The following ITGA1 variants were observed in gnomAD, a reference collection of about 807,000 sequenced individuals.
ITGA1 encodes integrin alpha-1.
A neutral mutation model predicts 145.9 loss-of-function variants in ITGA1; 85 were observed. The ratio of observed to expected loss-of-function variants is 0.58; its 90% CI spans 0.49 to 0.70. The LOEUF is 0.70. Among genes scored for constraint, ITGA1 ranks in the 30% least tolerant of loss-of-function variants. ITGA1 has a pLI of 0.00. For synonymous variants in ITGA1, 520 were observed against 495.3 expected, an observed-to-expected ratio of 1.05 and a Z score of -0.66; for missense variants, 1,351 against 1,418.7, an observed-to-expected ratio of 0.95 and a Z score of 0.77.
chr5:52,802,178 C>G (rs1231597032), intron 1 of ITGA1: 1 of 185,452 alleles, frequency 5.4e-6, no homozygotes, highest in Non-Finnish European at 1.1e-5. Flanking sequence ...AAATTTCACA[C>G]TGCATGCTTT....
intron 26 of ITGA1, among the ~76,000 whole-genome samples, chr5:52,944,013 G>A (rs891916836): frequency 1.3e-5 from 2 of 152,198 alleles, no homozygotes; most frequent in Non-Finnish European, 2.9e-5. Flanking sequence ...CAGGGACTCT[G>A]GGAGGGTCTG....
chr5:52,807,108 T>C (rs1748599976), intron 1 of ITGA1, among the ~76,000 whole-genome samples: 1 of 152,190 alleles, frequency 6.6e-6, no homozygotes, highest in South Asian at 2.1e-4. Context: ...TTCTATAATG[T>C]CAGAGATTTA....
intron 1 of ITGA1, chr5:52,803,154 C>T (rs1748522205): frequency 1.3e-5 from 2 of 152,186 alleles, no homozygotes; most frequent in East Asian, 3.9e-4. Flanking sequence ...GGCCTTCCTC[C>T]TGGTGTGACA....
intron 1 of ITGA1, among the ~76,000 whole-genome samples, chr5:52,791,061 T>C (rs929274924): frequency 6.6e-6 from 1 of 152,214 alleles, no homozygotes; most frequent in Non-Finnish European, 1.5e-5. Context: ...ATAAACTTCC[T>C]ATTTGATTTA....
At chr5:52,799,029 C>T (rs1748400468) in intron 1 of ITGA1, among the ~76,000 whole-genome samples, 1 of 152,148 alleles carries the variant, frequency 6.6e-6, no homozygotes, top group South Asian at 2.1e-4. Context: ...AACTCAGATT[C>T]CTTCCTTTCA....
chr5:52,898,129 C>T (rs1750258014), intron 10 of ITGA1, 110 bp from the exon 11 acceptor site: 1 of 603,786 alleles, frequency 1.7e-6, no homozygotes, highest in African/African-American at 1.9e-5. Context: ...TATAAGCTAA[C>T]AAATGTAAAG....
At chr5:52,897,354 T>G in intron 9 of ITGA1, 101 bp from the exon 10 acceptor site, 1 of 781,378 alleles carries the variant, frequency 1.3e-6, no homozygotes, top group Non-Finnish European at 2.1e-6. Context: ...AAGTTCTGGT[T>G]GGTAAGACCA....
chr5:52,894,793 CAG>C (rs962871508), intron 9 of ITGA1, among the ~76,000 whole-genome samples: 2 of 151,736 alleles, frequency 1.3e-5, no homozygotes, highest in Non-Finnish European at 2.9e-5. Flanking sequence ...TAATAGGAAA[CAG>C]AAAGACAAAA....
intron 1 of ITGA1, among the ~76,000 whole-genome samples, chr5:52,799,493 T>G (rs1748410266): frequency 6.6e-6 from 1 of 152,218 alleles, no homozygotes. Flanking sequence ...GTCAAGCAAC[T>G]GAGAGGTCCA....
intron 11 of ITGA1, among the ~76,000 whole-genome samples, chr5:52,898,912 G>A (rs1365827778): frequency 6.6e-6 from 1 of 152,088 alleles, no homozygotes; most frequent in Non-Finnish European, 1.5e-5. Context: ...GATATAACAT[G>A]ATCTTGTTTC....
At position 52,875,217 on chromosome 5, in the gene ITGA1, G is replaced by C. The variant is rs1477988151; in HGVS notation, c.625-6656G>C. 3.9e-5 allele frequency among the ~76,000 whole-genome samples: 6 copies of C among 151,914 alleles called. No individual in the cohort carries two copies. The East Asian group carries it at 1.2e-3, about 29-fold the overall frequency. On this transcript the variant is annotated intron_variant, in intron 6 of 28. Coordinates refer to ENST00000282588, the MANE Select transcript of ITGA1 (RefSeq NM_181501.2). ...CTTTATTTTACTCATTGTTTTCCAA[G>C]ATTATTTGACCATAGAATTCTTTTT...
At chr5:52,902,618 G>A (rs919233562) in intron 11 of ITGA1, 1 of 151,388 alleles carries the variant, frequency 6.6e-6, no homozygotes, top group Non-Finnish European at 1.5e-5. Flanking sequence ...TTATTGCCCA[G>A]GCTGGAGTGC....
In ITGA1 at chr5:52,798,642, C is replaced by A. The variant is rs148892188; in HGVS notation, c.61+10228C>A. Among the ~76,000 whole-genome samples, 449 of 152,220 alleles carry A rather than the reference C, an allele frequency of 2.9e-3. 5 individuals carry two copies. Among genetic ancestry groups the A allele is most frequent in the African/African-American group, 0.01 (417 of 41,544 alleles). ...AGCAGGGGGAAAATAGTCATTCATG[C>A]CTCTGTCTGGCTTAGTCAATCTGAA... On this transcript the variant is annotated intron_variant, in intron 1 of 28. Transcript: ENST00000282588.
At chr5:52,817,406 A>T (rs1748794599) in intron 1 of ITGA1, among the ~76,000 whole-genome samples, 2 of 152,228 alleles carry the variant, frequency 1.3e-5, no homozygotes, top group Admixed American at 1.3e-4. Flanking sequence ...TGGCACACAG[A>T]ATAGACGTTC....
intron 28 of ITGA1, among the ~76,000 whole-genome samples, chr5:52,948,336 A>T (rs1751164797): frequency 6.6e-6 from 1 of 152,192 alleles, no homozygotes; most frequent in African/African-American, 2.4e-5. Flanking sequence ...AAATTATGTT[A>T]AAAATATAGG....
At chr5:52,942,393 G>T (rs1365590705) in intron 26 of ITGA1, among the ~76,000 whole-genome samples, 1 of 152,078 alleles carries the variant, frequency 6.6e-6, no homozygotes, top group Non-Finnish European at 1.5e-5. Flanking sequence ...GATATTAAAT[G>T]AAAGGTTTTT....
chr5:52,940,551 G>A (rs1317788860), intron 26 of ITGA1, among the ~76,000 whole-genome samples: 1 of 151,848 alleles, frequency 6.6e-6, no homozygotes, highest in Non-Finnish European at 1.5e-5. Flanking sequence ...TGGGACTACA[G>A]GCGCCCACCA....
chr5:52,862,830 C>T (rs1210768689), intron 3 of ITGA1, among the ~76,000 whole-genome samples: 1 of 152,142 alleles, frequency 6.6e-6, no homozygotes. Flanking sequence ...TATAGCCCCA[C>T]AAGTTTATTT....
At chr5:52,818,607 T>C (rs1442037696) in intron 1 of ITGA1, among the ~76,000 whole-genome samples, 1 of 152,184 alleles carries the variant, frequency 6.6e-6, no homozygotes, top group African/African-American at 2.4e-5. Context: ...TTTTGGGTGA[T>C]TCTTTTTCTC....
Sources: allele counts gnomAD v4.1 joint callset (sites outside exome capture counted in the v4.1 genomes callset), GRCh38; gene constraint gnomAD v4.1.1; transcripts MANE v1.5; gene names NCBI Gene and HGNC (gene_info 2026-07-23, HGNC 2026-07-21).